Variants in BMP1 observed in about 807,000 individuals in gnomAD.
BMP1 encodes the protein mammalian tolloid protein.
A neutral mutation model predicts 116.8 loss-of-function variants in BMP1; 63 were observed. That is an observed-to-expected ratio of 0.54 (90% CI 0.44 to 0.67). The LOEUF (loss-of-function observed/expected upper bound fraction) is 0.67, where lower values mean the gene tolerates loss of function less well. Among genes scored for constraint, BMP1 ranks in the 30% least tolerant of loss-of-function variants. BMP1 has a pLI of 0.00. For missense variants in BMP1, 1,183 were observed against 1,358.9 expected, an observed-to-expected ratio of 0.87 and a Z score of 2.04; for synonymous variants, 536 against 533.4, an observed-to-expected ratio of 1.00 and a Z score of -0.07.
At chr8:22,176,003 T>G in intron 2 of BMP1, 140 bp from the exon 3 acceptor site, 1 of 879,382 alleles carries the variant, frequency 1.1e-6, no homozygotes, top group Non-Finnish European at 1.7e-6. Flanking sequence ...CCTGAGAGTA[T>G]TGATTTTGGG....
At chr8:22,210,951 C>A (rs962786827) in intron 19 of BMP1, among the ~76,000 whole-genome samples, 2 of 152,362 alleles carry the variant, frequency 1.3e-5, no homozygotes, top group Admixed American at 6.5e-5. Context: ...AAGGCCAGGG[C>A]GTTGACGTCC....
At position 22,177,121 on chromosome 8, in the gene BMP1, C is replaced by T. The variant is rs759722432; in HGVS notation, c.712C>T (p.Arg238Cys). The change falls in exon 5 of 20, where the codon CGT becomes TGT. Residue 238 changes from arginine (R) to cysteine (C), a missense_variant. Physicochemically the swap from Arg to Cys is radical, Grantham distance 180. This residue lies in a region of BMP1 where 956 missense variants were observed against 1,135.2 expected (regional missense o/e 0.84). Coordinates refer to ENST00000306385, the MANE Select transcript of BMP1 (RefSeq NM_006129.5). ...PDRDRHVSIVRENIQPGQEYN... is the reference protein window; with the variant it reads ...PDRDRHVSIVCENIQPGQEYN... ...CCGGGACCGCCACGTTTCCATCGTT[C>T]GTGAGAACATCCAGCCAGGTAGGTA... 8.7e-6 allele frequency: 14 copies of T among 1,608,128 alleles called. No individual in the cohort carries two copies. Among genetic ancestry groups the T allele is most frequent in the Non-Finnish European group, 1.1e-5 (13 of 1,176,420 alleles).
chr8:22,205,354 C>T (rs192819085), intron 16 of BMP1, among the ~76,000 whole-genome samples: 92 of 152,204 alleles, frequency 6.0e-4, no homozygotes, highest in Non-Finnish European at 1.1e-3. Context: ...TGTGCAGAGC[C>T]GGGGATGCAG....
Position 22,202,007 on chromosome 8 carries a change from A to G in BMP1, c.2233+79A>G, listed in dbSNP as rs62494051. The G allele has an allele frequency of 0.061, 92,081 of 1,520,598 alleles. 3,139 individuals are homozygous for G. Among genetic ancestry groups the G allele is most frequent in the African/African-American group, 0.13 (9,158 of 72,714 alleles). The allele number at this position is 1,520,598 out of a possible 1,614,324, so 94.2% of individuals were successfully genotyped here. ...GGAAGCCCAGAGGATCATCTCCATC[A>G]GCCTCCGTTTAGATTCTGGGGCCTG... On this transcript the variant is annotated intron_variant, in intron 16 of 19. Transcript: ENST00000306385.
chr8:22,184,706 T>C (rs1193146842), intron 8 of BMP1, among the ~76,000 whole-genome samples: 35 of 152,322 alleles, frequency 2.3e-4, no homozygotes, highest in Non-Finnish European at 5.9e-5. Context: ...TTTTACAACC[T>C]AGGTACCATT....
rs1373450108 is a variant in BMP1 at position 22,181,806 on chromosome 8, C to T, written c.1077+1323C>T. On this transcript the variant is annotated intron_variant, in intron 8 of 19. Transcript: ENST00000306385. ...CTGAGTTCAAGTGATCCTCCTGGCT[C>T]AGGCTTCCAAAGTGCTGGGATTACA... Among the ~76,000 whole-genome samples, 8 of 152,186 alleles carry T rather than the reference C, an allele frequency of 5.3e-5. No individual in the cohort carries two copies. In the East Asian group the frequency reaches 9.6e-4, roughly 18 times the overall value.
chr8:22,181,631 C>T (rs894637182), intron 8 of BMP1, among the ~76,000 whole-genome samples: 2 of 151,822 alleles, frequency 1.3e-5, no homozygotes, highest in Non-Finnish European at 2.9e-5. Flanking sequence ...CAGCTCACTG[C>T]AACCTCTGCC....
At chr8:22,197,088 T>G in intron 14 of BMP1, 152 bp from the exon 15 acceptor site, 1 of 1,088,988 alleles carries the variant, frequency 9.2e-7, no homozygotes, top group South Asian at 1.6e-5. Flanking sequence ...AGGGAAGGCT[T>G]AGGGCTGGCT....
At chr8:22,167,745 G>T in intron 1 of BMP1, among the ~76,000 whole-genome samples, 1 of 152,200 alleles carries the variant, frequency 6.6e-6, no homozygotes, top group South Asian at 2.1e-4. Context: ...GCCTGACAAG[G>T]CCAGGCCTTG....
At chr8:22,204,823 A>G (rs562873450) in intron 16 of BMP1, among the ~76,000 whole-genome samples, 1 of 150,436 alleles carries the variant, frequency 6.6e-6, no homozygotes, top group African/African-American at 2.4e-5. Context: ...ACCTGCCGTG[A>G]GAGTGTGGCC....
chr8:22,187,492 G>C (rs1243413613), intron 8 of BMP1, among the ~76,000 whole-genome samples: 1 of 146,568 alleles, frequency 6.8e-6, no homozygotes, highest in Non-Finnish European at 1.5e-5. Context: ...CACCACGCCC[G>C]GCTAATTTTT....
chr8:22,196,920 CT>C (rs776177023), intron 14 of BMP1, 80 bp downstream of exon 14: 774 of 1,484,876 alleles, frequency 5.2e-4, no homozygotes, highest in Non-Finnish European at 6.6e-4. Context: ...TTCCTGTCCT[CT>C]GAGAGGGGGC....
intron 7 of BMP1, 45 bp from the exon 8 acceptor site, chr8:22,180,323 G>T: frequency 1.3e-6 from 2 of 1,507,664 alleles, no homozygotes; most frequent in South Asian, 1.1e-5. Flanking sequence ...AAGATGGGGG[G>T]ATTTGGCGCC....
intron 1 of BMP1, among the ~76,000 whole-genome samples, chr8:22,168,530 C>T (rs1331920055): frequency 6.6e-6 from 1 of 152,176 alleles, no homozygotes; most frequent in African/African-American, 2.4e-5. Flanking sequence ...AGTGAGGCCC[C>T]TGCTACCACC....
rs1468099325 is a variant in BMP1 at position 22,208,904 on chromosome 8, G to A, written c.2576-541G>A. ...GCACAAAAGCCAGAGGGCCTGGGGA[G>A]GAGGGTGGCCCCATGCACTGTCCTC... On this transcript the variant is annotated intron_variant, in intron 18 of 19. Transcript: ENST00000306385. Among the ~76,000 whole-genome samples the A allele has an allele frequency of 2.0e-5, 3 of 152,248 alleles. No individual in the cohort carries two copies. The East Asian group carries it at 5.8e-4, about 29-fold the overall frequency.
chr8:22,207,216 T>G, intron 17 of BMP1, 87 bp from the exon 18 acceptor site: 1 of 1,462,316 alleles, frequency 6.8e-7, no homozygotes. Flanking sequence ...CATGGGTATC[T>G]GTGAGGCCTA....
intron 9 of BMP1, among the ~76,000 whole-genome samples, chr8:22,193,017 G>A (rs558839014): frequency 2.0e-5 from 3 of 152,124 alleles, no homozygotes; most frequent in Non-Finnish European, 2.9e-5. Context: ...ACTTCCTCTC[G>A]TAGACGTGTT....
intron 8 of BMP1, among the ~76,000 whole-genome samples, chr8:22,184,657 G>A (rs1482647689): frequency 6.6e-6 from 1 of 152,202 alleles, no homozygotes; most frequent in Non-Finnish European, 1.5e-5. Flanking sequence ...GAAAGCATTA[G>A]GCACCTTACA....
intron 8 of BMP1, among the ~76,000 whole-genome samples, chr8:22,182,937 TA>T (rs1366445010): frequency 1.3e-5 from 2 of 152,276 alleles, no homozygotes; most frequent in Non-Finnish European, 2.9e-5. Context: ...CTCCTCCTTC[TA>T]TGTTATTGAG....
Sources: allele counts gnomAD v4.1 joint callset (sites outside exome capture counted in the v4.1 genomes callset), GRCh38; gene constraint gnomAD v4.1.1; regional missense constraint gnomAD v4.1.1; transcripts MANE v1.5; gene names NCBI Gene and HGNC (gene_info 2026-07-23, HGNC 2026-07-21).